Variants in ADGRL3 observed in about 807,000 individuals in gnomAD.
ADGRL3 encodes the protein adhesion G protein-coupled receptor L3.
ADGRL3 carries 62 observed loss-of-function variants against 153.5 expected under a neutral mutation model. That is an observed-to-expected ratio of 0.40 (90% CI 0.33 to 0.50). The LOEUF (loss-of-function observed/expected upper bound fraction) is 0.50. Ranked by LOEUF, ADGRL3 falls within the 20% of genes least tolerant of loss-of-function variation. The pLI is 0.47. For synonymous variants in ADGRL3, 710 were observed against 672.5 expected, an observed-to-expected ratio of 1.06 and a Z score of -0.86; for missense variants, 1,641 against 1,859.4, an observed-to-expected ratio of 0.88 and a Z score of 2.16.
At chr4:61,783,402 A>C (rs147271430) in intron 8 of ADGRL3, among the ~76,000 whole-genome samples, 69 of 152,080 alleles carry the variant, frequency 4.5e-4, no homozygotes, top group South Asian at 3.7e-3. Context: ...TTTTCCCTCT[A>C]TATATATATG....
intron 5 of ADGRL3, among the ~76,000 whole-genome samples, chr4:61,654,652 A>G (rs1169113338): frequency 3.3e-5 from 5 of 152,116 alleles, no homozygotes; most frequent in African/African-American, 1.2e-4. Context: ...TAATCCCCGC[A>G]CTTTGGGAGG....
chr4:61,788,369 G>A (rs1282765943), intron 8 of ADGRL3, among the ~76,000 whole-genome samples: 1 of 152,116 alleles, frequency 6.6e-6, no homozygotes, highest in Non-Finnish European at 1.5e-5. Flanking sequence ...ACTCTTTGCA[G>A]ATACTCCCTT....
At chr4:61,258,555 G>A (rs2092219963) in intron 1 of ADGRL3, among the ~76,000 whole-genome samples, 1 of 152,184 alleles carries the variant, frequency 6.6e-6, no homozygotes, top group South Asian at 2.1e-4. Flanking sequence ...ATGACATAAT[G>A]CCTAGGTGCG....
At chr4:62,008,792 G>A (rs891476374) in intron 21 of ADGRL3, among the ~76,000 whole-genome samples, 1 of 151,470 alleles carries the variant, frequency 6.6e-6, no homozygotes, top group Admixed American at 6.6e-5. Flanking sequence ...ATAGATACAC[G>A]CATATCCAGG....
rs568360801 is a variant in ADGRL3, at chr4:61,228,757, G to A, written c.-240+26992G>A. ...AGTAGTTAATAAGTGCAATGGCACC[G>A]TCTGGGCTCACTGCAAACTCTACCT... On this transcript the variant is annotated intron_variant, in intron 1 of 26. Transcript: ENST00000683033. Among the ~76,000 whole-genome samples, 9 of 152,208 alleles carry A rather than the reference G, an allele frequency of 5.9e-5. No homozygotes were observed. In the South Asian group the frequency reaches 1.2e-3, roughly 21 times the overall value.
At chr4:62,066,935 T>A (rs967583269) in intron 25 of ADGRL3, among the ~76,000 whole-genome samples, 1 of 152,074 alleles carries the variant, frequency 6.6e-6, no homozygotes, top group Non-Finnish European at 1.5e-5. Flanking sequence ...GGCTGCAGTC[T>A]CCTCTTCTCT....
chr4:61,824,169 T>A (rs955417228), intron 9 of ADGRL3, among the ~76,000 whole-genome samples: 2 of 152,244 alleles, frequency 1.3e-5, no homozygotes, highest in East Asian at 1.9e-4. Flanking sequence ...TATTTATTCA[T>A]CTTAAGAATG....
chr4:61,245,570 G>T (rs1756732211), intron 1 of ADGRL3, among the ~76,000 whole-genome samples: 1 of 151,998 alleles, frequency 6.6e-6, no homozygotes, highest in Admixed American at 6.6e-5. Context: ...ATTACTGGAG[G>T]CCATGTCCTT....
chr4:61,899,847 T>C (rs991012987), intron 11 of ADGRL3, among the ~76,000 whole-genome samples: 1 of 152,198 alleles, frequency 6.6e-6, no homozygotes, highest in Non-Finnish European at 1.5e-5. Context: ...GGGACAGCTC[T>C]CTGGGGCCTC....
intron 6 of ADGRL3, among the ~76,000 whole-genome samples, chr4:61,687,403 T>C (rs1007709455): frequency 1.3e-5 from 2 of 152,042 alleles, no homozygotes; most frequent in East Asian, 1.9e-4. Flanking sequence ...TATATGACAA[T>C]TGAAACAAAG....
At chr4:61,741,886 T>C (rs1383579831) in intron 8 of ADGRL3, among the ~76,000 whole-genome samples, 1 of 152,240 alleles carries the variant, frequency 6.6e-6, no homozygotes, top group Admixed American at 6.5e-5. Context: ...GATAAATGTA[T>C]AATTGTTAGA....
intron 19 of ADGRL3, among the ~76,000 whole-genome samples, chr4:61,984,226 A>G (rs2099078097): frequency 6.6e-6 from 1 of 152,172 alleles, no homozygotes; most frequent in South Asian, 2.1e-4. Context: ...GAGTAAATCA[A>G]AGTTTTATGA....
intron 21 of ADGRL3, among the ~76,000 whole-genome samples, chr4:62,013,289 C>T (rs375209334): frequency 3.3e-5 from 5 of 152,206 alleles, no homozygotes; most frequent in African/African-American, 1.2e-4. Context: ...ATTCCCAGCA[C>T]TTTGGGAGGC....
chr4:61,911,290 A>G (rs1453977648), intron 12 of ADGRL3, among the ~76,000 whole-genome samples: 2 of 152,192 alleles, frequency 1.3e-5, no homozygotes, highest in Non-Finnish European at 2.9e-5. Flanking sequence ...AATTAATGTC[A>G]CATTCTAACT....
chr4:61,541,119 G>A (rs755046620), intron 4 of ADGRL3, among the ~76,000 whole-genome samples: 3 of 152,138 alleles, frequency 2.0e-5, no homozygotes, highest in Non-Finnish European at 4.4e-5. Flanking sequence ...AGCCTGGAGA[G>A]TTATAGGAAG....
intron 19 of ADGRL3, among the ~76,000 whole-genome samples, chr4:61,986,971 C>G (rs2099087639): frequency 6.6e-6 from 1 of 152,018 alleles, no homozygotes; most frequent in Non-Finnish European, 1.5e-5. Flanking sequence ...TCCATCAGGG[C>G]TTAATCAAGA....
Position 61,884,311 on chromosome 4 carries a change from G to A in ADGRL3, c.1481-8345G>A, listed in dbSNP as rs190470343. Among the ~76,000 whole-genome samples the A allele has an allele frequency of 2.0e-5, 3 of 152,292 alleles. No individual in the cohort carries two copies. In the East Asian group the frequency reaches 5.8e-4, roughly 29 times the overall value. ...TGGCTCTACCACTTGTGAATGCTATGAGATTGGGAAATTTATGTAACCTCT... is the reference window on the plus strand; with the variant it reads ...TGGCTCTACCACTTGTGAATGCTATAAGATTGGGAAATTTATGTAACCTCT... On this transcript the variant is annotated intron_variant, in intron 9 of 26. Transcript: ENST00000683033.
intron 1 of ADGRL3, among the ~76,000 whole-genome samples, chr4:61,226,068 A>G (rs892236288): frequency 6.6e-6 from 1 of 152,200 alleles, no homozygotes; most frequent in East Asian, 1.9e-4. Context: ...TATAGAATTT[A>G]TGATGATTCA....
chr4:61,759,011 A>G (rs965659536), intron 8 of ADGRL3, among the ~76,000 whole-genome samples: 13 of 152,042 alleles, frequency 8.6e-5, no homozygotes, highest in Non-Finnish European at 1.8e-4. Flanking sequence ...ATTGGCCCCC[A>G]CTGTCTTCTG....
Sources: allele counts gnomAD v4.1 joint callset (sites outside exome capture counted in the v4.1 genomes callset), GRCh38; gene constraint gnomAD v4.1.1; transcripts MANE v1.5; gene names NCBI Gene and HGNC (gene_info 2026-07-23, HGNC 2026-07-21).